Variants in PREX2 observed in about 807,000 individuals in gnomAD.
PREX2 encodes the protein phosphatidylinositol 3,4,5-trisphosphate-dependent Rac exchanger 2 protein.
In PREX2, 107 loss-of-function variants were observed where a neutral mutation model predicts 203.2. That is an observed-to-expected ratio of 0.53 (90% CI 0.45 to 0.62). The LOEUF (loss-of-function observed/expected upper bound fraction) is 0.62, where lower values mean the gene tolerates loss of function less well. Ranked by LOEUF, PREX2 falls within the 20% of genes least tolerant of loss-of-function variation. PREX2 has a pLI of 0.00. For synonymous variants in PREX2, 672 were observed against 663.6 expected (o/e 1.01, Z -0.19); for missense variants, 1,777 against 1,955.9 (o/e 0.91, Z 1.72).
intron 35 of PREX2, among the ~76,000 whole-genome samples, chr8:68,189,527 T>A (rs1812254149): frequency 6.6e-6 from 1 of 152,222 alleles, no homozygotes; most frequent in Non-Finnish European, 1.5e-5. Context: ...TAAAATGATG[T>A]CTCAAATGAG....
chr8:68,016,144 T>A (rs1053329111), intron 1 of PREX2, among the ~76,000 whole-genome samples: 8 of 152,316 alleles, frequency 5.3e-5, no homozygotes, highest in Non-Finnish European at 1.0e-4. Flanking sequence ...TATAGCTAAA[T>A]ATTACAAAAA....
In PREX2 at chr8:68,024,761, G is replaced by T. The variant is rs372059019; in HGVS notation, c.442-2461G>T. Among the ~76,000 whole-genome samples the T allele has an allele frequency of 4.0e-5, 6 of 151,794 alleles. No homozygotes were observed. In the East Asian group the frequency reaches 5.8e-4, roughly 15 times the overall value. On this transcript the variant is annotated intron_variant, in intron 4 of 39. Coordinates refer to ENST00000288368, the MANE Select transcript of PREX2 (RefSeq NM_024870.4). ...TTTGTGTCAATCAAGCATTTTTTAT[G>T]TACCATTTTGATTCCTCTCAATTTT...
intron 1 of PREX2, among the ~76,000 whole-genome samples, chr8:67,996,400 C>T (rs926470672): frequency 6.6e-6 from 1 of 151,812 alleles, no homozygotes; most frequent in African/African-American, 2.4e-5. Flanking sequence ...CACTATGTTG[C>T]CCAAGTTGGT....
At chr8:68,090,445 G>C in intron 19 of PREX2, 134 bp from the exon 20 acceptor site, 1 of 737,300 alleles carries the variant, frequency 1.4e-6, no homozygotes, top group South Asian at 2.6e-5. Context: ...ATTGCTCTCA[G>C]AACCAAGTTT....
intron 12 of PREX2, 119 bp from the exon 13 acceptor site, chr8:68,069,716 G>C: frequency 1.9e-6 from 1 of 525,536 alleles, no homozygotes; most frequent in Non-Finnish European, 3.4e-6. Flanking sequence ...TTTTAAATTG[G>C]TTTAGATTTT....
intron 10 of PREX2, among the ~76,000 whole-genome samples, chr8:68,057,674 G>A (rs1808720462): frequency 6.6e-6 from 1 of 152,156 alleles, no homozygotes; most frequent in Non-Finnish European, 1.5e-5. Context: ...CACCCCATGG[G>A]CATAACTTTC....
intron 38 of PREX2, among the ~76,000 whole-genome samples, chr8:68,220,864 A>C (rs971907056): frequency 2.6e-5 from 4 of 152,078 alleles, no homozygotes; most frequent in African/African-American, 9.7e-5. Context: ...GCACAGAACA[A>C]GTTTTTGTTT....
At chr8:68,164,350 T>TTTTA (rs368505791) in intron 35 of PREX2, among the ~76,000 whole-genome samples, 73 of 112,770 alleles carry the variant, frequency 6.5e-4, no homozygotes, top group Admixed American at 2.9e-3. Flanking sequence ...TTAATATGTA[T>TTTTA]TATATATATA....
At chr8:68,129,012 A>C (rs1167258513) in intron 31 of PREX2, among the ~76,000 whole-genome samples, 2 of 152,208 alleles carry the variant, frequency 1.3e-5, no homozygotes, top group African/African-American at 4.8e-5. Context: ...AGCTTTACTA[A>C]TAACACAATT....
chr8:68,189,511 A>G (rs1327214711), intron 35 of PREX2, among the ~76,000 whole-genome samples: 1 of 152,208 alleles, frequency 6.6e-6, no homozygotes, highest in African/African-American at 2.4e-5. Flanking sequence ...AAAATCTTGA[A>G]AATTTTAAAA....
At chr8:68,186,183 T>TA (rs1161143126) in intron 35 of PREX2, among the ~76,000 whole-genome samples, 2 of 152,216 alleles carry the variant, frequency 1.3e-5, no homozygotes, top group African/African-American at 4.8e-5. Flanking sequence ...GCCTCAAGTA[T>TA]AAATTCTTAT....
At chr8:68,006,678 C>T (rs1214036835) in intron 1 of PREX2, among the ~76,000 whole-genome samples, 2 of 152,132 alleles carry the variant, frequency 1.3e-5, no homozygotes, top group African/African-American at 2.4e-5. Flanking sequence ...ATTATGTGCA[C>T]GTTCAAGCTT....
At chr8:67,953,845 T>C (rs929450549) in intron 1 of PREX2, among the ~76,000 whole-genome samples, 1 of 152,236 alleles carries the variant, frequency 6.6e-6, no homozygotes, top group African/African-American at 2.4e-5. Flanking sequence ...TACTTCCTTG[T>C]AACAAAGATT....
chr8:68,019,695 TA>T, intron 3 of PREX2, 24 bp downstream of exon 3: 1 of 1,591,796 alleles, frequency 6.3e-7, no homozygotes, highest in Non-Finnish European at 8.5e-7. Flanking sequence ...CTTTTTATTT[TA>T]AAAGTTCTTT....
intron 19 of PREX2, among the ~76,000 whole-genome samples, chr8:68,088,846 A>T (rs1809779210): frequency 6.6e-6 from 1 of 152,352 alleles, no homozygotes; most frequent in South Asian, 2.1e-4. Flanking sequence ...AATAGCTTAA[A>T]GCCTGAGTGA....
intron 23 of PREX2, among the ~76,000 whole-genome samples, chr8:68,103,247 C>T (rs1810314717): frequency 6.6e-6 from 1 of 152,060 alleles, no homozygotes; most frequent in Admixed American, 6.5e-5. Context: ...TCCCCGTGTC[C>T]CCTTCCCTCA....
At chr8:67,996,622 G>A (rs13266710) in intron 1 of PREX2, among the ~76,000 whole-genome samples, 74,659 of 151,602 alleles carry the variant, frequency 0.49, 18,710 homozygotes, top group South Asian at 0.61. Context: ...ATTTTTGATG[G>A]GGACAAAAGT....
At chr8:68,227,384 A>T (rs891535524) in intron 39 of PREX2, among the ~76,000 whole-genome samples, 10 of 152,128 alleles carry the variant, frequency 6.6e-5, no homozygotes, top group Admixed American at 6.5e-4. Context: ...TTCCTCTGAG[A>T]CAGTGGGTGC....
intron 4 of PREX2, among the ~76,000 whole-genome samples, chr8:68,022,677 G>A (rs896968068): frequency 1.2e-4 from 19 of 152,104 alleles, no homozygotes; most frequent in African/African-American, 2.9e-4. Context: ...GATTATAATT[G>A]TGCGATTCAG....
Sources: gnomAD v4.1 joint callset for allele counts (sites outside exome capture counted in the v4.1 genomes callset) on GRCh38, gnomAD v4.1.1 for gene constraint, MANE v1.5 for transcripts, NCBI Gene and HGNC (gene_info 2026-07-23, HGNC 2026-07-21) for gene names.